CSPP1: variants seen among roughly 807,000 people sequenced by gnomAD.
The protein encoded by CSPP1 is centrosome and spindle pole-associated protein 1.
A neutral mutation model predicts 164.4 loss-of-function variants in CSPP1; 126 were observed. The ratio of observed to expected loss-of-function variants is 0.77; its 90% CI spans 0.66 to 0.89. CSPP1 has a LOEUF of 0.89. Among genes scored for constraint, CSPP1 ranks in the 40% least tolerant of loss-of-function variants. CSPP1 has a pLI of 0.00. For synonymous variants in CSPP1, 472 were observed against 476.7 expected, an observed-to-expected ratio of 0.99 and a Z score of 0.13; for missense variants, 1,395 against 1,449.8, an observed-to-expected ratio of 0.96 and a Z score of 0.61.
intron 17 of CSPP1, among the ~76,000 whole-genome samples, chr8:67,148,431 G>A (rs1401203344): frequency 6.6e-6 from 1 of 152,140 alleles, no homozygotes; most frequent in Non-Finnish European, 1.5e-5. Flanking sequence ...CACTCATCAT[G>A]CTTTACCCAC....
intron 13 of CSPP1, 41 bp downstream of exon 13, chr8:67,116,163 T>C: frequency 7.2e-7 from 1 of 1,388,884 alleles, no homozygotes; most frequent in Non-Finnish European, 1.0e-6. Flanking sequence ...TTAGGTAAGG[T>C]ATTGCTATAT....
intron 1 of CSPP1, among the ~76,000 whole-genome samples, chr8:67,070,360 G>C: frequency 6.6e-6 from 1 of 151,708 alleles, no homozygotes; most frequent in East Asian, 1.9e-4. Context: ...CTACTCGGGA[G>C]GCTGAGGCAG....
chr8:67,123,445 G>T (rs146450572), intron 15 of CSPP1, among the ~76,000 whole-genome samples: 1 of 151,904 alleles, frequency 6.6e-6, no homozygotes, highest in Non-Finnish European at 1.5e-5. Context: ...ATGATTTTTC[G>T]TATTTACTCT....
chr8:67,150,589 G>A (rs1825523956), intron 18 of CSPP1, among the ~76,000 whole-genome samples: 2 of 151,924 alleles, frequency 1.3e-5, no homozygotes, highest in South Asian at 4.2e-4. Context: ...TTTTTAGTAG[G>A]TATGGGGTTT....
rs749026327 is a variant in CSPP1 at position 67,095,538 on chromosome 8, C to G, written c.729C>G (p.Asn243Lys). 3.3e-5 allele frequency: 54 copies of G among 1,613,360 alleles called. No individual in the cohort carries two copies. The highest frequency in any genetic ancestry group is 4.3e-5 in the Non-Finnish European group (51 of 1,179,926). ...KKANEEVGIS[N>K]LKHQRFASKA... ...CAAATGAAGAAGTGGGCATTTCCAACCTAAAACATCAAAGGTTTGCAAGCA... is the reference window on the plus strand; with the variant it reads ...CAAATGAAGAAGTGGGCATTTCCAAGCTAAAACATCAAAGGTTTGCAAGCA... The change falls in exon 7 of 31, where the codon AAC becomes AAG. Residue 243 changes from asparagine to lysine, a missense_variant. Physicochemically the swap from Asn to Lys is moderately conservative, Grantham distance 94. Coordinates refer to ENST00000678616, the MANE Select transcript of CSPP1 (RefSeq NM_001382391.1).
chr8:67,162,173 T>G (rs1048341292), intron 22 of CSPP1, among the ~76,000 whole-genome samples: 2 of 152,184 alleles, frequency 1.3e-5, no homozygotes, highest in Non-Finnish European at 2.9e-5. Flanking sequence ...TGTTATACTT[T>G]AGATTGAACT....
In CSPP1 at chr8:67,172,620, A is replaced by ACACGTATTATC; in HGVS notation, c.2968+65_2968+66insCACGTATTATC. 8 of 1,366,422 alleles carry ACACGTATTATC rather than the reference A, an allele frequency of 5.9e-6. No homozygotes were observed. The African/African-American group carries it at 1.0e-4, about 18-fold the overall frequency. 84.6% of individuals were successfully genotyped at this position (1,366,422 alleles called of 1,614,324 possible). On this transcript the variant is annotated intron_variant, in intron 25 of 30. Coordinates refer to ENST00000678616, the MANE Select transcript of CSPP1 (RefSeq NM_001382391.1). ...GTTCTACCCATATTTAAATATCTATAAAGATCTTTGTACCCTTTTTCTAAA... is the reference window on the plus strand; with the variant it reads ...GTTCTACCCATATTTAAATATCTATACACGTATTATCAAGATCTTTGTACCCTTTTTCTAAA...
chr8:67,076,475 C>T lies in CSPP1; in HGVS notation c.100-7C>T. 2 of 1,536,916 alleles carry T rather than the reference C, an allele frequency of 1.3e-6. No individual in the cohort carries two copies. The highest frequency in any genetic ancestry group is 2.4e-5 in the South Asian group (2 of 83,148). On this transcript the variant is annotated splice_polypyrimidine_tract_variant and splice_region_variant and intron_variant, in intron 2 of 30. Coordinates refer to ENST00000678616, the MANE Select transcript of CSPP1 (RefSeq NM_001382391.1). ...TCTTGCTTTTGTAAACATTATGTCTCTTTCAGGGAAAGTTGTCAGCGAAGC... is the reference window on the plus strand; with the variant it reads ...TCTTGCTTTTGTAAACATTATGTCTTTTTCAGGGAAAGTTGTCAGCGAAGC...
intron 17 of CSPP1, among the ~76,000 whole-genome samples, chr8:67,148,154 A>G (rs1319290356): frequency 6.6e-6 from 1 of 152,026 alleles, no homozygotes; most frequent in Non-Finnish European, 1.5e-5. Context: ...CCTGAGCTCA[A>G]GTAATCCACC....
At chr8:67,181,030 GTTTT>G (rs376605644) in intron 28 of CSPP1, among the ~76,000 whole-genome samples, 1 of 147,628 alleles carries the variant, frequency 6.8e-6, no homozygotes, top group Non-Finnish European at 1.5e-5. Flanking sequence ...TCTCTTAATG[GTTTT>G]TTTTTTGTTG....
chr8:67,147,106 A>G (rs1168145032), intron 17 of CSPP1, among the ~76,000 whole-genome samples: 5 of 152,222 alleles, frequency 3.3e-5, no homozygotes, highest in African/African-American at 4.8e-5. Flanking sequence ...TATGTTGAAT[A>G]TTATTCCAGT....
intron 7 of CSPP1, among the ~76,000 whole-genome samples, chr8:67,101,549 GAC>G (rs1180732482): frequency 1.3e-5 from 2 of 152,202 alleles, no homozygotes; most frequent in African/African-American, 4.8e-5. Context: ...AGTAGGGAAT[GAC>G]ACTAAACTGA....
At chr8:67,137,404 T>C in intron 16 of CSPP1, 52 bp from the exon 17 acceptor site, 1 of 1,269,666 alleles carries the variant, frequency 7.9e-7, no homozygotes. Flanking sequence ...ACTAACTTCT[T>C]GTATCAGAAT....
Position 67,184,819 on chromosome 8 carries a change from G to A in CSPP1, c.3220+4893G>A, listed in dbSNP as rs189487640. Among the ~76,000 whole-genome samples the A allele has an allele frequency of 1.3e-3, 197 of 149,592 alleles. 1 individual carries two copies. The highest frequency in any genetic ancestry group is 4.7e-3 in the African/African-American group (191 of 41,038). ...GTCCCATGAACGTTAAAAACAGTCG[G>A]CCGGGCACGGTGGCTCAAGCCTGTA... On this transcript the variant is annotated intron_variant, in intron 28 of 30. Transcript: ENST00000678616.
At chr8:67,073,813 TG>T (rs1807339029) in intron 1 of CSPP1, among the ~76,000 whole-genome samples, 1 of 152,192 alleles carries the variant, frequency 6.6e-6, no homozygotes, top group Admixed American at 6.6e-5. Flanking sequence ...ATGAAGCAAG[TG>T]GAGCCAAATC....
rs555197537 is a variant in CSPP1, at chr8:67,157,336, C to G, written c.2242-1111C>G. On this transcript the variant is annotated intron_variant, in intron 19 of 30. Transcript: ENST00000678616. ...TTAAAGACAGAGTCTCATTCTGTCGCCCAGGCTGGAGTGCAGTGGTGCAAT... is the reference window on the plus strand; with the variant it reads ...TTAAAGACAGAGTCTCATTCTGTCGGCCAGGCTGGAGTGCAGTGGTGCAAT... Among the ~76,000 whole-genome samples, 4 of 151,986 alleles carry G rather than the reference C, an allele frequency of 2.6e-5. No homozygotes were observed. In the South Asian group the frequency reaches 8.3e-4, roughly 32 times the overall value.
intron 19 of CSPP1, chr8:67,157,633 C>T (rs1826923724): frequency 2.0e-5 from 3 of 152,274 alleles, no homozygotes; most frequent in Admixed American, 2.0e-4. Context: ...ACAAGAAAAA[C>T]AAAAATATGC....
At chr8:67,083,484 A>G (rs1392796721) in intron 3 of CSPP1, among the ~76,000 whole-genome samples, 4 of 141,202 alleles carry the variant, frequency 2.8e-5, no homozygotes, top group African/African-American at 1.1e-4. Context: ...GTGAGCCAAG[A>G]TTGCGCCACT....
intron 4 of CSPP1, chr8:67,086,898 T>C (rs1040667840): frequency 5.3e-6 from 6 of 1,130,502 alleles, no homozygotes; most frequent in South Asian, 1.3e-5. Flanking sequence ...CTTTTTTTTT[T>C]TTTTTACGAT....
Sources: allele counts gnomAD v4.1 joint callset (sites outside exome capture counted in the v4.1 genomes callset), GRCh38; gene constraint gnomAD v4.1.1; transcripts MANE v1.5; gene names NCBI Gene and HGNC (gene_info 2026-07-23, HGNC 2026-07-21).